Variants in MTAP observed in about 807,000 individuals in gnomAD.
MTAP encodes methylthioadenosine phosphorylase.
In MTAP, 33 loss-of-function variants were observed where a neutral mutation model predicts 33.6. The observed-to-expected ratio is 0.98, with a 90% CI of 0.74 to 1.31. MTAP has a LOEUF of 1.31. MTAP is among the 40% of genes most tolerant of loss of function. The pLI is 0.00. For missense variants in MTAP, 367 were observed against 360.0 expected (o/e 1.02, Z -0.16); for synonymous variants, 148 against 125.7 (o/e 1.18, Z -1.19).
chr9:21,810,431 AAG>A (rs57236244), intron 1 of MTAP, among the ~76,000 whole-genome samples: 1 of 151,826 alleles, frequency 6.6e-6, no homozygotes, highest in South Asian at 2.1e-4. Flanking sequence ...GGAAACAAAA[AAG>A]AGACAAACTT....
intron 5 of MTAP, among the ~76,000 whole-genome samples, chr9:21,848,804 G>C (rs1442730609): frequency 6.6e-6 from 1 of 152,150 alleles, no homozygotes; most frequent in African/African-American, 2.4e-5. Flanking sequence ...GGGAACCGCA[G>C]TCACTCAACT....
intron 1 of MTAP, chr9:21,892,086 T>C (rs1415799532): frequency 1.3e-5 from 2 of 152,198 alleles, no homozygotes; most frequent in Admixed American, 6.5e-5. Flanking sequence ...AGGGAATTTG[T>C]TACCATCAGA....
At chr9:21,915,055 C>CCTTTCTTTCTTTCTTTCTTTCTTTCTTT (rs1222666142) in intron 1 of MTAP, among the ~76,000 whole-genome samples, 15 of 25,870 alleles carry the variant, frequency 5.8e-4, no homozygotes, top group East Asian at 2.2e-3. Context: ...TTCCTTCCTT[C>CCTTTCTTTCTTTCTTTCTTTCTTTCTTT]CTTTCTTTCT....
Position 21,857,449 on chromosome 9 carries a change from A to T in MTAP, c.691-1854A>T, listed in dbSNP as rs117876287. 2.2e-4 allele frequency among the ~76,000 whole-genome samples: 33 copies of T among 152,292 alleles called. 1 individual carries two copies. In the East Asian group the frequency reaches 6.4e-3, roughly 29 times the overall value. ...GGTGTTTGTGGGTGGGATCTGGACTATGCTTAAGGAAATAGAAAGATGTAA... is the reference window on the plus strand; with the variant it reads ...GGTGTTTGTGGGTGGGATCTGGACTTTGCTTAAGGAAATAGAAAGATGTAA... On this transcript the variant is annotated intron_variant, in intron 6 of 7. Coordinates refer to ENST00000644715, the MANE Select transcript of MTAP (RefSeq NM_002451.4).
At chr9:21,859,540 A>C (rs1386313683) in intron 7 of MTAP, 115 bp downstream of exon 7, 1 of 1,286,224 alleles carries the variant, frequency 7.8e-7, no homozygotes. Context: ...GATGTTTTCA[A>C]CAAGTTTTTG....
At chr9:21,887,837 C>T (rs899547972) in intron 1 of MTAP, among the ~76,000 whole-genome samples, 3 of 152,158 alleles carry the variant, frequency 2.0e-5, no homozygotes, top group African/African-American at 7.2e-5. Context: ...TTGTAGAGAG[C>T]TTTCACGTCC....
chr9:21,850,625 G>T (rs117328306), intron 5 of MTAP, among the ~76,000 whole-genome samples: 2 of 152,176 alleles, frequency 1.3e-5, no homozygotes, highest in Non-Finnish European at 2.9e-5. Flanking sequence ...GGATTTTGGA[G>T]CAAGGTCCTG....
At chr9:21,911,817 A>T (rs1187630793) in intron 1 of MTAP, among the ~76,000 whole-genome samples, 3 of 151,856 alleles carry the variant, frequency 2.0e-5, no homozygotes, top group African/African-American at 7.3e-5. Flanking sequence ...CAAAAAACCC[A>T]TCAAAAAAAT....
chr9:21,828,120 C>T (rs999290793), intron 4 of MTAP, among the ~76,000 whole-genome samples: 1 of 152,158 alleles, frequency 6.6e-6, no homozygotes, highest in African/African-American at 2.4e-5. Context: ...CAGGTATTGC[C>T]ATCAGATCTG....
In MTAP at chr9:21,823,750, A is replaced by C. The variant is rs1824709427; in HGVS notation, c.347+5548A>C. ...TCTCTCTGTCACTTTCCGGTACACC[A>C]ATCAGATGTAGATTTGGTCTTTTCA... On this transcript the variant is annotated intron_variant, in intron 4 of 7. Coordinates refer to ENST00000644715, the MANE Select transcript of MTAP (RefSeq NM_002451.4). Among the ~76,000 whole-genome samples the C allele has an allele frequency of 2.0e-5, 3 of 152,326 alleles. No individual in the cohort carries two copies. The South Asian group carries it at 6.2e-4, about 32-fold the overall frequency.
Position 21,802,791 on chromosome 9 carries a change from G to A in MTAP, c.33+10G>A. 2 of 1,612,548 alleles carry A rather than the reference G, an allele frequency of 1.2e-6. No homozygotes were observed. The highest frequency in any genetic ancestry group is 1.7e-6 in the Non-Finnish European group (2 of 1,179,678). On this transcript the variant is annotated intron_variant, in intron 1 of 7. Coordinates refer to ENST00000644715, the MANE Select transcript of MTAP (RefSeq NM_002451.4). ...CACCACCGCCGTGAAGGTGAGATGA[G>A]CCCTCCCAGCCGCAGCGGTTCGCCC... is the stretch of plus-strand genomic sequence containing the variant.
chr9:21,807,018 G>C (rs544129127), intron 1 of MTAP, among the ~76,000 whole-genome samples: 5 of 152,178 alleles, frequency 3.3e-5, no homozygotes, highest in Non-Finnish European at 7.4e-5. Context: ...ACAAAAATTA[G>C]CCAGGCACGG....
chr9:21,836,643 G>A (rs2118304974), intron 4 of MTAP, among the ~76,000 whole-genome samples: 1 of 152,306 alleles, frequency 6.6e-6, no homozygotes, highest in Non-Finnish European at 1.5e-5. Flanking sequence ...TGTTTATACA[G>A]GCTGAAACAG....
At chr9:21,910,329 GAAAT>G (rs778536907) in intron 1 of MTAP, among the ~76,000 whole-genome samples, 29 of 151,812 alleles carry the variant, frequency 1.9e-4, no homozygotes, top group Non-Finnish European at 3.8e-4. Context: ...TAAAAAAAAA[GAAAT>G]AAATTATATA....
At chr9:21,892,362 A>G (rs1175800227) in intron 1 of MTAP, 2 of 152,264 alleles carry the variant, frequency 1.3e-5, no homozygotes, top group African/African-American at 2.4e-5. Context: ...ACTCTATGCT[A>G]TCTTCAAGAT....
At chr9:21,837,393 A>G (rs1825138078) in intron 4 of MTAP, among the ~76,000 whole-genome samples, 1 of 152,216 alleles carries the variant, frequency 6.6e-6, no homozygotes, top group Non-Finnish European at 1.5e-5. Context: ...CAACTGTTTA[A>G]AAACAAATTT....
intron 1 of MTAP, among the ~76,000 whole-genome samples, chr9:21,918,115 CCG>C (rs1818722100): frequency 7.7e-6 from 1 of 129,246 alleles, no homozygotes; most frequent in African/African-American, 4.0e-5. Context: ...CTTTGGGAGG[CCG>C]AGGCGGGCGG....
chr9:21,855,560 A>AAG (rs1260502986), intron 6 of MTAP, among the ~76,000 whole-genome samples: 1 of 152,002 alleles, frequency 6.6e-6, no homozygotes, highest in African/African-American at 2.4e-5. Flanking sequence ...AGGGAGAGAG[A>AAG]GGAGGGATGC....
At chr9:21,892,847 TA>T (rs1439297809) in intron 1 of MTAP, 1 of 152,184 alleles carries the variant, frequency 6.6e-6, no homozygotes, top group East Asian at 1.9e-4. Flanking sequence ...GCACATGGCA[TA>T]TAGACTAAAA....
Sources: allele counts gnomAD v4.1 joint callset (sites outside exome capture counted in the v4.1 genomes callset), GRCh38; gene constraint gnomAD v4.1.1; transcripts MANE v1.5; gene names NCBI Gene and HGNC (gene_info 2026-07-23, HGNC 2026-07-21).